The following SHB variants were observed in gnomAD, a reference collection of about 807,000 sequenced individuals.
The protein encoded by SHB is SH2 domain-containing adapter protein B.
In SHB, 20 loss-of-function variants were observed where a neutral mutation model predicts 52.3. The ratio of observed to expected loss-of-function variants is 0.38; its 90% CI spans 0.27 to 0.56. The LOEUF (loss-of-function observed/expected upper bound fraction) is 0.56. Among genes scored for constraint, SHB ranks in the 20% least tolerant of loss-of-function variants. The pLI is 0.71. For synonymous variants in SHB, 397 were observed against 316.5 expected (o/e 1.25, Z -2.70); for missense variants, 825 against 723.3 (o/e 1.14, Z -1.61).
At chr9:38,015,369 C>T (rs1045971880) in intron 2 of SHB, 2 of 701,754 alleles carry the variant, frequency 2.8e-6, no homozygotes, top group African/African-American at 3.5e-5. Flanking sequence ...CAGGATGCTG[C>T]ATACCCAGCC....
intron 1 of SHB, among the ~76,000 whole-genome samples, chr9:38,025,202 G>C (rs1821327035): frequency 6.6e-6 from 1 of 152,176 alleles, no homozygotes; most frequent in African/African-American, 2.4e-5. Flanking sequence ...CATCGCTGTG[G>C]ACAGCTCTCT....
chr9:37,963,173 C>A (rs535903067), intron 3 of SHB, among the ~76,000 whole-genome samples: 1 of 152,218 alleles, frequency 6.6e-6, no homozygotes, highest in Admixed American at 6.5e-5. Flanking sequence ...CAGTGGCCCC[C>A]GGGGATAGGG....
intron 1 of SHB, among the ~76,000 whole-genome samples, chr9:38,027,450 C>T (rs989868923): frequency 6.6e-6 from 1 of 152,120 alleles, no homozygotes; most frequent in Non-Finnish European, 1.5e-5. Context: ...TGCTCTTATC[C>T]TCTAGAGGCC....
At chr9:38,014,922 T>C (rs2118075016) in intron 2 of SHB, among the ~76,000 whole-genome samples, 1 of 152,342 alleles carries the variant, frequency 6.6e-6, no homozygotes, top group African/African-American at 2.4e-5. Context: ...TTCTTTCTCC[T>C]AATTCAAGAA....
intron 1 of SHB, among the ~76,000 whole-genome samples, chr9:38,031,270 G>C (rs1400081309): frequency 6.6e-6 from 1 of 152,094 alleles, no homozygotes; most frequent in African/African-American, 2.4e-5. Flanking sequence ...GCAGTGAGCC[G>C]AGATCTCGCC....
At chr9:37,958,317 C>T (rs1426028801) in intron 3 of SHB, among the ~76,000 whole-genome samples, 3 of 152,146 alleles carry the variant, frequency 2.0e-5, no homozygotes, top group Non-Finnish European at 2.9e-5. Context: ...AGGAGGACTA[C>T]GGGTGACCAC....
At chr9:38,013,958 G>A (rs1332790078) in intron 2 of SHB, among the ~76,000 whole-genome samples, 1 of 152,192 alleles carries the variant, frequency 6.6e-6, no homozygotes, top group Non-Finnish European at 1.5e-5. Context: ...GGCTTAATGA[G>A]GGTATATGTC....
At position 37,919,493 on chromosome 9, in the gene SHB, C is replaced by T. The variant is rs890737002; in HGVS notation, c.*328G>A. On this transcript the variant is annotated 3_prime_UTR_variant, in exon 6 of 6. Transcript: ENST00000377707. ...AGATGTCAGCCAGGGAGCTCCCGCC[C>T]CACCCTACCCCGCCCCTCGGAGCTG... 2.3e-4 allele frequency: 42 copies of T among 180,612 alleles called. No homozygotes were observed. Among genetic ancestry groups the T allele is most frequent in the South Asian group, 6.9e-4 (6 of 8,680 alleles). The allele number at this position is 180,612 out of a possible 1,614,324, so 11.2% of individuals were successfully genotyped here. A position where few individuals can be genotyped will look rare whatever the true frequency, so the allele number is the denominator to read the frequency against.
intron 2 of SHB, among the ~76,000 whole-genome samples, chr9:38,012,191 G>A (rs907268360): frequency 1.1e-4 from 17 of 152,142 alleles, no homozygotes; most frequent in Non-Finnish European, 2.5e-4. Flanking sequence ...ACAAAGCCTC[G>A]TCAGTGAATC....
intron 5 of SHB, among the ~76,000 whole-genome samples, chr9:37,927,567 T>C (rs1832264797): frequency 2.0e-5 from 3 of 152,174 alleles, no homozygotes; most frequent in Admixed American, 6.5e-5. Context: ...CTGGCGAACA[T>C]GTAGAGGCAT....
chr9:38,017,196 G>A (rs1313292678), intron 1 of SHB, among the ~76,000 whole-genome samples: 3 of 152,126 alleles, frequency 2.0e-5, no homozygotes, highest in Non-Finnish European at 4.4e-5. Flanking sequence ...CTTCCCTCTT[G>A]CCCTTTTTGG....
chr9:37,943,102 T>C (rs1462756034), intron 5 of SHB, among the ~76,000 whole-genome samples: 1 of 152,182 alleles, frequency 6.6e-6, no homozygotes, highest in East Asian at 1.9e-4. Context: ...ACATCTCTCT[T>C]GGGCTCAGAT....
At chr9:37,925,103 CTG>C (rs2118461597) in intron 5 of SHB, among the ~76,000 whole-genome samples, 1 of 152,340 alleles carries the variant, frequency 6.6e-6, no homozygotes, top group Non-Finnish European at 1.5e-5. Context: ...AGCTGGGGCA[CTG>C]TGCCCATCAC....
In SHB at chr9:37,963,625, G is replaced by T. The variant is rs903181323; in HGVS notation, c.1055-7571C>A. On this transcript the variant is annotated intron_variant, in intron 3 of 5. Coordinates refer to ENST00000377707, the MANE Select transcript of SHB (RefSeq NM_003028.3). The stretch of plus-strand genomic sequence containing the variant: ...GCTGGGACTCTGGGGTGTTGGTGAG[G>T]GGGAAAGGTGGGTGAGAGTGGGGAG... Among the ~76,000 whole-genome samples, 5 of 152,170 alleles carry T rather than the reference G, an allele frequency of 3.3e-5. No homozygotes were observed. The East Asian group carries it at 9.6e-4, about 29-fold the overall frequency.
chr9:38,027,030 G>A (rs1041872528), intron 1 of SHB, among the ~76,000 whole-genome samples: 1 of 152,220 alleles, frequency 6.6e-6, no homozygotes, highest in Non-Finnish European at 1.5e-5. Context: ...TAAATGCCTG[G>A]GTGAAGGGCC....
chr9:37,940,570 G>A (rs1281606234), intron 5 of SHB, among the ~76,000 whole-genome samples: 1 of 152,172 alleles, frequency 6.6e-6, no homozygotes, highest in Non-Finnish European at 1.5e-5. Context: ...TGCGATAAGA[G>A]CAAAGAGACA....
chr9:37,961,257 T>C (rs759855832), intron 3 of SHB, among the ~76,000 whole-genome samples: 26 of 152,214 alleles, frequency 1.7e-4, no homozygotes, highest in Non-Finnish European at 3.4e-4. Flanking sequence ...GCCTGGGATT[T>C]ATTTTTCTTT....
At chr9:38,060,158 GCTGT>G (rs1564113178) in intron 1 of SHB, among the ~76,000 whole-genome samples, 1 of 152,038 alleles carries the variant, frequency 6.6e-6, no homozygotes, top group Non-Finnish European at 1.5e-5. Flanking sequence ...CCACTTACTG[GCTGT>G]CTGACTTTAT....
At position 38,068,183 on chromosome 9, in the gene SHB, A is replaced by T; in HGVS notation, c.463T>A (p.Ser155Thr). The T allele has an allele frequency of 7.1e-7, 1 of 1,414,536 alleles. No individual in the cohort carries two copies. Among genetic ancestry groups the T allele is most frequent in the Non-Finnish European group, 9.1e-7 (1 of 1,097,586 alleles). 87.6% of individuals were successfully genotyped at this position (1,414,536 alleles called of 1,614,324 possible). ...CGGTAGAGATGCGGAGAGCCGGAGG[A>T]CGAGGACGAGGACGCGGCGGCCCCC... is the stretch of plus-strand genomic sequence containing the variant. ...GAGAAASSSS[S>T]SGSPHLYRSS... Residue 155 changes from serine to threonine, a missense_variant, in exon 1 of 6, where the codon TCC (serine) becomes ACC (threonine). By Grantham distance (58) the Ser-to-Thr change is moderately conservative. Coordinates refer to ENST00000377707, the MANE Select transcript of SHB (RefSeq NM_003028.3).
Sources: gnomAD v4.1 joint callset for allele counts (sites outside exome capture counted in the v4.1 genomes callset) on GRCh38, gnomAD v4.1.1 for gene constraint, MANE v1.5 for transcripts, NCBI Gene and HGNC (gene_info 2026-07-23, HGNC 2026-07-21) for gene names.